Variants in ALDH1A3 observed in about 807,000 individuals in gnomAD.
The protein encoded by ALDH1A3 is retinaldehyde dehydrogenase 3.
A neutral mutation model predicts 57.5 loss-of-function variants in ALDH1A3; 28 were observed. The observed-to-expected ratio is 0.49, with a 90% CI of 0.36 to 0.67. The LOEUF (loss-of-function observed/expected upper bound fraction) is 0.67, where lower values mean the gene tolerates loss of function less well. Among genes scored for constraint, ALDH1A3 ranks in the 30% least tolerant of loss-of-function variants. The pLI is 0.00. For missense variants in ALDH1A3, 507 were observed against 669.4 expected (o/e 0.76, Z 2.68); for synonymous variants, 281 against 264.8 (o/e 1.06, Z -0.59).
At chr15:100,892,329 C>A in intron 3 of ALDH1A3, 181 bp from the exon 4 acceptor site, 1 of 777,610 alleles carries the variant, frequency 1.3e-6, no homozygotes, top group Non-Finnish European at 2.0e-6. Context: ...AATCCTCACA[C>A]TCAGAGACAG....
chr15:100,888,947 G>A (rs958786279), intron 3 of ALDH1A3: 1 of 152,158 alleles, frequency 6.6e-6, no homozygotes, highest in African/African-American at 2.4e-5. Context: ...GATACCCTAG[G>A]TGGGGATATT....
At chr15:100,910,838 G>A (rs1252518709) in intron 12 of ALDH1A3, among the ~76,000 whole-genome samples, 1 of 152,198 alleles carries the variant, frequency 6.6e-6, no homozygotes, top group Non-Finnish European at 1.5e-5. Flanking sequence ...TCCAGTCCCC[G>A]AAGCAAATGT....
In ALDH1A3 at chr15:100,887,609, C is replaced by G; in HGVS notation, c.242C>G (p.Ala81Gly). The G allele has an allele frequency of 6.2e-7, 1 of 1,611,050 alleles. No individual in the cohort carries two copies. The highest frequency in any genetic ancestry group is 8.5e-7 in the Non-Finnish European group (1 of 1,178,442). Reference protein sequence around the residue: ...VDKAVEAAQVAFQRGSPWRRL... With the variant: ...VDKAVEAAQVGFQRGSPWRRL... ...AAGGCTGTGGAGGCTGCACAGGTTG[C>G]CTTCCAGAGGGGCTCGCCATGGCGC... The change falls in exon 3 of 13, where the codon GCC (alanine) becomes GGC (glycine). Residue 81 changes from alanine to glycine, a missense_variant. This residue lies in a region of ALDH1A3 where 432 missense variants were observed against 608.4 expected (regional missense o/e 0.71). Coordinates refer to ENST00000329841, the MANE Select transcript of ALDH1A3 (RefSeq NM_000693.4). This position sits in a 1 kb window ranked among gnomAD's most constrained non-coding sequence, Gnocchi z 4.6.
chr15:100,905,657 C>T lies in ALDH1A3; in HGVS notation c.1203C>T (p.Val401=). Residue 401 remains valine (V), a synonymous_variant, in exon 10 of 13, where the codon GTC becomes GTT. Transcript: ENST00000329841. ...LFIKPTVFSE[V]TDNMRIAKEE... ...TCAAACCCACTGTCTTCTCAGAAGT[C>T]ACAGACAACATGCGGATTGCCAAAG... The T allele has an allele frequency of 6.2e-7, 1 of 1,601,660 alleles. No individual in the cohort carries two copies. The highest frequency in any genetic ancestry group is 8.5e-7 in the Non-Finnish European group (1 of 1,173,786).
At position 100,887,739 on chromosome 15, in the gene ALDH1A3, G is replaced by C. The variant is rs1442056779; in HGVS notation, c.345+27G>C. 1 of 1,560,358 alleles carries C rather than the reference G, an allele frequency of 6.4e-7. No individual in the cohort carries two copies. Among genetic ancestry groups the C allele is most frequent in the Admixed American group, 1.8e-5 (1 of 54,970 alleles). On this transcript the variant is annotated intron_variant, in intron 3 of 12. Coordinates refer to ENST00000329841, the MANE Select transcript of ALDH1A3 (RefSeq NM_000693.4). The surrounding 1 kb of genome is among the most constrained non-coding windows in gnomAD (Gnocchi z 4.6). ...TGAGTACATGCACTTGGGGGCCGGTGGGGGATGAGCCAGCCTCACTGAGGG... is the reference window on the plus strand; with the variant it reads ...TGAGTACATGCACTTGGGGGCCGGTCGGGGATGAGCCAGCCTCACTGAGGG...
intron 1 of ALDH1A3, among the ~76,000 whole-genome samples, chr15:100,882,810 C>T (rs1170009816): frequency 4.6e-5 from 7 of 152,216 alleles, no homozygotes. Context: ...CCAGCATAAT[C>T]AGTAGACCAT....
chr15:100,896,170 C>T, intron 7 of ALDH1A3, 124 bp downstream of exon 7: 1 of 739,932 alleles, frequency 1.4e-6, no homozygotes, highest in South Asian at 2.0e-5. Flanking sequence ...TGTTTTAGTA[C>T]ATAACAACCA....
In ALDH1A3 at chr15:100,885,519, G is replaced by A. The variant is rs2041586219; in HGVS notation, c.204+148G>A. On this transcript the variant is annotated intron_variant, in intron 2 of 12. Transcript: ENST00000329841. ...TGCGTGAATTGGCATGTGGTTCTCA[G>A]ACGTGTGGCACAGAATGGCATCAAT... The A allele has an allele frequency of 5.4e-5, 33 of 616,614 alleles. No homozygotes were observed. The South Asian group carries it at 6.3e-4, about 12-fold the overall frequency. The allele number at this position is 616,614 out of a possible 1,614,324, so 38.2% of individuals were successfully genotyped here. A position where few individuals can be genotyped will look rare whatever the true frequency, so the allele number is the denominator to read the frequency against.
chr15:100,896,660 T>C (rs970121645), intron 7 of ALDH1A3, among the ~76,000 whole-genome samples: 3 of 152,168 alleles, frequency 2.0e-5, no homozygotes, highest in Non-Finnish European at 4.4e-5. Flanking sequence ...TCATCCAACA[T>C]TTAAAGTGAA....
chr15:100,884,727 A>G (rs1323670028), intron 1 of ALDH1A3, among the ~76,000 whole-genome samples: 4 of 152,138 alleles, frequency 2.6e-5, no homozygotes, highest in Non-Finnish European at 5.9e-5. Context: ...GCTGATGTGC[A>G]TTGGTGAAAA....
At chr15:100,908,541 G>A in intron 12 of ALDH1A3, 59 bp downstream of exon 12, 1 of 1,473,028 alleles carries the variant, frequency 6.8e-7, no homozygotes, top group Non-Finnish European at 9.5e-7. Context: ...CACTAGATTT[G>A]CAGGCAGTGA....
chr15:100,895,660 A>C (rs2041694896), intron 6 of ALDH1A3: 1 of 495,126 alleles, frequency 2.0e-6, no homozygotes, highest in African/African-American at 1.9e-5. Flanking sequence ...ACACATTTGC[A>C]CTGCATATCA....
intron 2 of ALDH1A3, 64 bp downstream of exon 2, chr15:100,885,435 C>T (rs1272624915): frequency 7.0e-6 from 9 of 1,281,992 alleles, no homozygotes; most frequent in South Asian, 1.2e-5. Flanking sequence ...GATAAGGAAA[C>T]GGTTCGGCTT....
chr15:100,888,229 G>A (rs1268585633), intron 3 of ALDH1A3, among the ~76,000 whole-genome samples: 1 of 152,084 alleles, frequency 6.6e-6, no homozygotes, highest in Non-Finnish European at 1.5e-5. Flanking sequence ...CTCCTGAGTA[G>A]CTGGGACTAC....
intron 7 of ALDH1A3, among the ~76,000 whole-genome samples, chr15:100,897,656 C>T (rs3922686): frequency 1.3e-5 from 2 of 152,072 alleles, no homozygotes. Flanking sequence ...CAGAACCACC[C>T]CCCTACTGGG....
At chr15:100,880,464 G>A (rs2141542470) in intron 1 of ALDH1A3, 1 of 349,738 alleles carries the variant, frequency 2.9e-6, no homozygotes, top group Non-Finnish European at 5.1e-6. Flanking sequence ...GAGAGTCCGG[G>A]AGGCAGATGG....
chr15:100,887,803 C>G lies in ALDH1A3; in HGVS notation c.345+91C>G, dbSNP rs760451643. 81 of 1,449,880 alleles carry G rather than the reference C, an allele frequency of 5.6e-5. No homozygotes were observed. Among genetic ancestry groups the G allele is most frequent in the Middle Eastern group, 5.0e-4 (2 of 4,008 alleles). The allele number at this position is 1,449,880 out of a possible 1,614,324, so 89.8% of individuals were successfully genotyped here. A position where few individuals can be genotyped will look rare whatever the true frequency, so the allele number is the denominator to read the frequency against. Reference sequence around the variant, plus strand: ...GGGGTATGGGAAAAAAGATCACGGTCCTGGTTTTGTGTGGTCGTGGGTCTG... The same window carrying G: ...GGGGTATGGGAAAAAAGATCACGGTGCTGGTTTTGTGTGGTCGTGGGTCTG... On this transcript the variant is annotated intron_variant, in intron 3 of 12. Transcript: ENST00000329841. This position sits in a 1 kb window ranked among gnomAD's most constrained non-coding sequence, Gnocchi z 4.6.
chr15:100,905,600 G>A lies in ALDH1A3; in HGVS notation c.1146G>A (p.Gly382=), dbSNP rs985676684. The change falls in exon 10 of 13, where the codon GGG becomes GGA. Residue 382 remains glycine, a synonymous_variant. Coordinates refer to ENST00000329841, the MANE Select transcript of ALDH1A3 (RefSeq NM_000693.4). ...GKKEGAKLEC[G]GSAMEDKGLF... ...AGGAAGGGGCCAAGCTGGAATGCGG[G>A]GGCTCAGCCATGGAAGACAAGGGGC... 4 of 1,613,838 alleles carry A rather than the reference G, an allele frequency of 2.5e-6. No homozygotes were observed. Among genetic ancestry groups the A allele is most frequent in the Non-Finnish European group, 3.4e-6 (4 of 1,179,950 alleles).
At position 100,887,139 on chromosome 15, in the gene ALDH1A3, C is replaced by T. The variant is rs1000997519; in HGVS notation, c.205-433C>T. Among the ~76,000 whole-genome samples, 1 of 152,186 alleles carries T rather than the reference C, an allele frequency of 6.6e-6. No individual in the cohort carries two copies. Among genetic ancestry groups the T allele is most frequent in the Non-Finnish European group, 1.5e-5 (1 of 68,020 alleles). On this transcript the variant is annotated intron_variant, in intron 2 of 12. Coordinates refer to ENST00000329841, the MANE Select transcript of ALDH1A3 (RefSeq NM_000693.4). The surrounding 1 kb of genome is among the most constrained non-coding windows in gnomAD (Gnocchi z 4.6). ...TTAAGATGTAAAGAAGAAAAAAAAT[C>T]ACTTGAACGCTCCCAGCCATTCAAG...
Sources: allele counts gnomAD v4.1 joint callset (sites outside exome capture counted in the v4.1 genomes callset), GRCh38; gene constraint gnomAD v4.1.1; regional missense constraint gnomAD v4.1.1; non-coding constraint Gnocchi (gnomAD v3.1); transcripts MANE v1.5; gene names NCBI Gene and HGNC (gene_info 2026-07-23, HGNC 2026-07-21).